The following FAAH2 variants were observed in gnomAD, a reference collection of about 807,000 sequenced individuals.
FAAH2 encodes the protein fatty-acid amide hydrolase 2.
FAAH2 carries 60 observed loss-of-function variants against 36.9 expected under a neutral mutation model. The ratio of observed to expected loss-of-function variants is 1.63; its 90% CI spans 1.32 to 2.02. The LOEUF (loss-of-function observed/expected upper bound fraction) is 2.02, where lower values mean the gene tolerates loss of function less well. Ranked by LOEUF, FAAH2 falls within the 30% of genes most tolerant of loss-of-function variation. The pLI is 0.00. For missense variants in FAAH2, 689 were observed against 397.5 expected (o/e 1.73, Z -6.23); for synonymous variants, 214 against 143.8 (o/e 1.49, Z -3.49).
the FAAH2 span, among the ~76,000 whole-genome samples, chrX:57,172,751 G>A: frequency 8.1e-5 from 9 of 111,707 alleles, no homozygotes; most frequent in Admixed American, 7.5e-4. Context: ...AACTGCCTGG[G>A]CCAAACTCTG....
At chrX:57,478,520 T>G (rs190672517) in intron 10 of FAAH2, among the ~76,000 whole-genome samples, 5 of 111,987 alleles carry the variant, frequency 4.5e-5, no homozygotes, top group East Asian at 2.8e-4. Context: ...TTTTGGCTTT[T>G]GTTGTAATTG....
chrX:57,412,870 C>A (rs186473252), intron 7 of FAAH2, among the ~76,000 whole-genome samples: 24 of 112,036 alleles, frequency 2.1e-4, no homozygotes, highest in Admixed American at 1.4e-3. Flanking sequence ...TTTCTCCACA[C>A]CCTCTCCAGC....
At chrX:57,273,415 T>C in the FAAH2 span, among the ~76,000 whole-genome samples, 1 of 111,741 alleles carries the variant, frequency 8.9e-6, no homozygotes, top group Admixed American at 9.5e-5. Context: ...GCCGACCTAA[T>C]AGACTTCTAC....
the FAAH2 span, among the ~76,000 whole-genome samples, chrX:57,162,187 C>A: frequency 3.6e-5 from 4 of 111,744 alleles, no homozygotes; most frequent in Admixed American, 2.9e-4. Context: ...TGAATATTGG[C>A]CCCCAATCTC....
chrX:57,308,495 T>A (rs777105030), intron 2 of FAAH2, among the ~76,000 whole-genome samples: 7 of 111,627 alleles, frequency 6.3e-5, no homozygotes, highest in South Asian at 3.8e-4. Flanking sequence ...TTTTTGCTTG[T>A]TTAATTGTTG....
intron 3 of FAAH2, among the ~76,000 whole-genome samples, chrX:57,330,728 C>A (rs2053379599): frequency 9.0e-6 from 1 of 111,573 alleles, no homozygotes; most frequent in Admixed American, 9.5e-5. Context: ...TTCTTTTGTA[C>A]TCTGTTCCTT....
chrX:57,462,789 G>A (rs1164404203), intron 10 of FAAH2, among the ~76,000 whole-genome samples: 1 of 112,292 alleles, frequency 8.9e-6, no homozygotes, highest in Admixed American at 9.4e-5. Flanking sequence ...ATTCAACATA[G>A]TATTGGAAGT....
At chrX:57,193,139 ATTCTGT>A in the FAAH2 span, among the ~76,000 whole-genome samples, 1 of 111,974 alleles carries the variant, frequency 8.9e-6, no homozygotes, top group South Asian at 3.8e-4. Flanking sequence ...ATATCACTGA[ATTCTGT>A]TTCTCAGCAA....
chrX:57,345,105 G>C (rs972058128), intron 5 of FAAH2, among the ~76,000 whole-genome samples: 1 of 98,701 alleles, frequency 1.0e-5, no homozygotes, highest in Admixed American at 1.1e-4. Flanking sequence ...ATGAGTTAAA[G>C]AGCATCCTCT....
At chrX:57,424,272 A>G (rs1416300449) in intron 7 of FAAH2, among the ~76,000 whole-genome samples, 1 of 111,807 alleles carries the variant, frequency 8.9e-6, no homozygotes, top group East Asian at 2.8e-4. Flanking sequence ...GCATTACCCC[A>G]TCTCTGGGGC....
chrX:57,205,691 C>A, the FAAH2 span, among the ~76,000 whole-genome samples: 10 of 112,392 alleles, frequency 8.9e-5, no homozygotes, highest in African/African-American at 3.2e-4. Context: ...TAAAAACATT[C>A]TCAGCACCTT....
chrX:57,344,016 T>C (rs1374627027), intron 5 of FAAH2, among the ~76,000 whole-genome samples: 1 of 111,317 alleles, frequency 9.0e-6, no homozygotes, highest in Non-Finnish European at 1.9e-5. Context: ...ACATTAGTCG[T>C]ACAATACAGT....
At chrX:57,430,888 C>T (rs750267248) in intron 7 of FAAH2, among the ~76,000 whole-genome samples, 27 of 112,074 alleles carry the variant, frequency 2.4e-4, no homozygotes, top group Non-Finnish European at 4.9e-4. Context: ...GTTCTCAGTA[C>T]TCTCCCAAGG....
At chrX:57,446,897 C>A in intron 8 of FAAH2, 31 bp from the exon 9 acceptor site, 1 of 1,091,492 alleles carries the variant, frequency 9.2e-7, no homozygotes, top group Non-Finnish European at 1.3e-6. Context: ...AGAAAATACT[C>A]TTGTATTTTA....
At chrX:57,470,967 G>A (rs777720557) in intron 10 of FAAH2, among the ~76,000 whole-genome samples, 5 of 111,606 alleles carry the variant, frequency 4.5e-5, no homozygotes, top group Admixed American at 3.8e-4. Context: ...ACGTAATCCA[G>A]CATCTAAACA....
the FAAH2 span, among the ~76,000 whole-genome samples, chrX:57,247,528 A>G: frequency 3.6e-5 from 4 of 110,654 alleles, no homozygotes; most frequent in Non-Finnish European, 7.6e-5. Context: ...CAGGCCATTT[A>G]TCTGTGTTCT....
chrX:57,278,931 C>A, the FAAH2 span, among the ~76,000 whole-genome samples: 7 of 111,627 alleles, frequency 6.3e-5, no homozygotes, highest in South Asian at 2.6e-3. Flanking sequence ...GATAGAATAA[C>A]GATCATTAAA....
the FAAH2 span, among the ~76,000 whole-genome samples, chrX:57,195,642 T>C: frequency 8.9e-6 from 1 of 112,204 alleles, no homozygotes; most frequent in South Asian, 3.7e-4. Flanking sequence ...TTTTGTTGCA[T>C]TTACTTTTGG....
chrX:57,134,229 C>T, the FAAH2 span, among the ~76,000 whole-genome samples: 1 of 111,755 alleles, frequency 8.9e-6, no homozygotes, highest in African/African-American at 3.3e-5. Flanking sequence ...TGACATTATA[C>T]AGCTGAATGA....
Sources: gnomAD v4.1 joint callset for allele counts (sites outside exome capture counted in the v4.1 genomes callset) on GRCh38, gnomAD v4.1.1 for gene constraint, MANE v1.5 for transcripts, NCBI Gene and HGNC (gene_info 2026-07-23, HGNC 2026-07-21) for gene names.